The following DSE variants were observed in gnomAD, a reference collection of about 807,000 sequenced individuals.
The protein encoded by DSE is dermatan-sulfate epimerase.
Under a neutral mutation model 84.4 loss-of-function variants are expected in DSE, and 36 were observed. The observed-to-expected ratio is 0.43, with a 90% confidence interval of 0.33 to 0.56. The LOEUF (loss-of-function observed/expected upper bound fraction) is 0.56, where lower values mean the gene tolerates loss of function less well. Among genes scored for constraint, DSE ranks in the 20% least tolerant of loss-of-function variants. DSE has a pLI of 0.06. For synonymous variants in DSE, 410 were observed against 430.1 expected (o/e 0.95, Z 0.58); for missense variants, 862 against 1,169.6 (o/e 0.74, Z 3.84).
intron 2 of DSE, among the ~76,000 whole-genome samples, chr6:116,316,480 T>A (rs1775983330): frequency 6.6e-6 from 1 of 152,138 alleles, no homozygotes; most frequent in Non-Finnish European, 1.5e-5. Flanking sequence ...ACATTGGTAT[T>A]TAACAAGTGG....
At chr6:116,403,507 C>CATAAA (rs1339334643) in intron 2 of DSE, among the ~76,000 whole-genome samples, 1 of 151,652 alleles carries the variant, frequency 6.6e-6, no homozygotes, top group African/African-American at 2.4e-5. Flanking sequence ...ATTAAGGAAG[C>CATAAA]ATAAAATATT....
chr6:116,396,602 C>T (rs946603787), intron 1 of DSE, among the ~76,000 whole-genome samples: 68 of 152,204 alleles, frequency 4.5e-4, no homozygotes, highest in African/African-American at 1.5e-3. Context: ...CCTTCAATAA[C>T]AGTTGGCATG....
At chr6:116,330,548 G>A (rs182398308) in intron 2 of DSE, among the ~76,000 whole-genome samples, 7 of 152,148 alleles carry the variant, frequency 4.6e-5, no homozygotes, top group East Asian at 1.9e-4. Flanking sequence ...AACTACCACC[G>A]ATTTTGGTAA....
intron 1 of DSE, among the ~76,000 whole-genome samples, chr6:116,390,765 C>T (rs1780851283): frequency 2.6e-5 from 4 of 152,078 alleles, no homozygotes; most frequent in Admixed American, 2.6e-4. Context: ...CTCTTTTGGC[C>T]TTCTGTAAGC....
chr6:116,283,836 G>A (rs1360576481), intron 2 of DSE, among the ~76,000 whole-genome samples: 4 of 152,108 alleles, frequency 2.6e-5, no homozygotes, highest in African/African-American at 4.8e-5. Flanking sequence ...GAGCCACTGC[G>A]CCCGGCTAGA....
At chr6:116,350,882 TAAAG>T (rs1778271309) in intron 2 of DSE, among the ~76,000 whole-genome samples, 1 of 151,330 alleles carries the variant, frequency 6.6e-6, no homozygotes, top group Non-Finnish European at 1.5e-5. Flanking sequence ...TTTAATTGTA[TAAAG>T]ATTTTCCTGG....
rs1562315516 is a variant in DSE, at chr6:116,436,822, A to T, written c.2354A>T (p.Gln785Leu). The T allele has an allele frequency of 1.9e-6, 3 of 1,614,172 alleles. No individual in the cohort carries two copies. Among genetic ancestry groups the T allele is most frequent in the Non-Finnish European group, 1.7e-6 (2 of 1,179,996 alleles). ...CTGCTGAGATTTTCAGATAAGAGAC[A>T]GACTGAGGAGGCCATTGACAGGATT... ...ERLLRFSDKR[Q>L]TEEAIDRIFA... The change falls in exon 6 of 6, where the codon CAG (glutamine) becomes CTG (leucine). Residue 785 changes from glutamine (Q) to leucine (L), a missense_variant. By Grantham distance (113) the Gln-to-Leu change is moderately radical. Transcript: ENST00000644252.
chr6:116,279,279 C>T (rs1187597369), intron 2 of DSE: 1 of 1,578,302 alleles, frequency 6.3e-7, no homozygotes, highest in Non-Finnish European at 8.5e-7. Context: ...CCTCCATTAC[C>T]TCCTTCTCCG....
chr6:116,393,128 A>C (rs1311126366), intron 1 of DSE, among the ~76,000 whole-genome samples: 1 of 152,230 alleles, frequency 6.6e-6, no homozygotes, highest in African/African-American at 2.4e-5. Flanking sequence ...GACAGAATAA[A>C]GGAGAAAAAA....
At chr6:116,330,501 C>A in intron 2 of DSE, among the ~76,000 whole-genome samples, 1 of 152,234 alleles carries the variant, frequency 6.6e-6, no homozygotes, top group South Asian at 2.1e-4. Context: ...TCTTAATAAT[C>A]AAGAAATAGA....
chr6:116,332,340 A>C (rs1369151774), intron 2 of DSE, among the ~76,000 whole-genome samples: 1 of 151,924 alleles, frequency 6.6e-6, no homozygotes, highest in Admixed American at 6.6e-5. Context: ...TGAGCTTTAG[A>C]TCCAAAGAAA....
intron 2 of DSE, among the ~76,000 whole-genome samples, chr6:116,324,798 A>G (rs1179439216): frequency 6.6e-6 from 1 of 152,212 alleles, no homozygotes; most frequent in Non-Finnish European, 1.5e-5. Context: ...TCTGTTCCTT[A>G]TAATGAGTAG....
At chr6:116,367,534 ATAAAC>A (rs1470030996), upstream of DSE, among the ~76,000 whole-genome samples, 1 of 152,246 alleles carries the variant, frequency 6.6e-6, no homozygotes. Flanking sequence ...AAAGCCAAGA[ATAAAC>A]TAAGGACGAC....
At chr6:116,382,622 G>T (rs975708718) in intron 1 of DSE, among the ~76,000 whole-genome samples, 3 of 152,146 alleles carry the variant, frequency 2.0e-5, no homozygotes, top group Non-Finnish European at 4.4e-5. Context: ...CTAAATTTGG[G>T]TGATATGTCA....
In DSE at chr6:116,261,790, G is replaced by T. The variant is rs952494703; in HGVS notation, c.-54+2823G>T. 3.3e-5 allele frequency among the ~76,000 whole-genome samples: 5 copies of T among 152,140 alleles called. No homozygotes were observed. In the East Asian group the frequency reaches 9.6e-4, roughly 29 times the overall value. On this transcript the variant is annotated intron_variant, in intron 2 of 3. Coordinates refer to the DSE transcript ENST00000430252. ...TATGTTCTTTCAATACCTACTTTGA[G>T]AGTTTTTAACATGAAGGAGTGTTGA... is the stretch of plus-strand genomic sequence containing the variant.
At chr6:116,342,717 G>C (rs1343329926) in intron 2 of DSE, among the ~76,000 whole-genome samples, 2 of 152,186 alleles carry the variant, frequency 1.3e-5, no homozygotes. Flanking sequence ...AATAGGAATA[G>C]CTCCAGTCTA....
intron 2 of DSE, among the ~76,000 whole-genome samples, chr6:116,335,438 C>A (rs1471056681): frequency 6.6e-6 from 1 of 152,044 alleles, no homozygotes; most frequent in Non-Finnish European, 1.5e-5. Flanking sequence ...AGGCTTAATA[C>A]CTGGGTGACA....
intron 2 of DSE, among the ~76,000 whole-genome samples, chr6:116,314,306 ACTTAATT>A (rs1413399161): frequency 6.6e-6 from 1 of 152,290 alleles, no homozygotes; most frequent in African/African-American, 2.4e-5. Flanking sequence ...TCAGCCTCAG[ACTTAATT>A]CTTAATTAAC....
chr6:116,384,941 G>T (rs1289757342), intron 1 of DSE, among the ~76,000 whole-genome samples: 3 of 152,140 alleles, frequency 2.0e-5, no homozygotes, highest in Non-Finnish European at 4.4e-5. Context: ...TTAGAGAATG[G>T]TAATGGTTGG....
Sources: allele counts gnomAD v4.1 joint callset (sites outside exome capture counted in the v4.1 genomes callset), GRCh38; gene constraint gnomAD v4.1.1; transcripts MANE v1.5; gene names NCBI Gene and HGNC (gene_info 2026-07-23, HGNC 2026-07-21).